DRC8: variants seen among roughly 807,000 people sequenced by gnomAD.
DRC8 encodes dynein regulatory complex protein 8.
chr1:245,016,857 T>C, the DRC8 span, among the ~76,000 whole-genome samples: 1 of 152,192 alleles, frequency 6.6e-6, no homozygotes, highest in African/African-American at 2.4e-5. Flanking sequence ...GTATCTGTTT[T>C]TATTGGTTTC....
chr1:245,025,491 C>G, the DRC8 span, among the ~76,000 whole-genome samples: 1 of 152,044 alleles, frequency 6.6e-6, no homozygotes, highest in Non-Finnish European at 1.5e-5. Flanking sequence ...TTTTAACACT[C>G]CATTCTAATC....
the DRC8 span, among the ~76,000 whole-genome samples, chr1:245,026,385 T>C: frequency 6.6e-6 from 1 of 152,252 alleles, no homozygotes; most frequent in African/African-American, 2.4e-5. Context: ...ATATTACTTT[T>C]ACTTCTTCAC....
the DRC8 span, among the ~76,000 whole-genome samples, chr1:245,056,355 G>T: frequency 5.9e-5 from 9 of 152,120 alleles, no homozygotes. Flanking sequence ...GAGAGCAGTG[G>T]TGCCATCTCA....
chr1:245,039,071 T>C, the DRC8 span, among the ~76,000 whole-genome samples: 2 of 138,838 alleles, frequency 1.4e-5, no homozygotes, highest in Non-Finnish European at 3.1e-5. Context: ...ATTTTGAAAT[T>C]TAATCTTTTC....
chr1:244,997,284 C>T, the DRC8 span, among the ~76,000 whole-genome samples: 3 of 145,466 alleles, frequency 2.1e-5, no homozygotes, highest in African/African-American at 2.5e-5. Context: ...CTTACTCTAA[C>T]GTGAATAAAC....
At chr1:244,970,722 C>G in the DRC8 span, 1 of 471,910 alleles carries the variant, frequency 2.1e-6, no homozygotes, top group Admixed American at 4.9e-5. Flanking sequence ...CCCCTCCTCC[C>G]GCCTTCTTCT....
the DRC8 span, among the ~76,000 whole-genome samples, chr1:245,006,057 ATAGG>A: frequency 6.6e-6 from 1 of 152,182 alleles, no homozygotes; most frequent in Non-Finnish European, 1.5e-5. Context: ...CATTTTTGAG[ATAGG>A]TAGGAGCCTA....
At chr1:245,109,434 C>T in the DRC8 span, among the ~76,000 whole-genome samples, 1 of 152,190 alleles carries the variant, frequency 6.6e-6, no homozygotes, top group African/African-American at 2.4e-5. Context: ...CTGGCCTCCT[C>T]CCCTGCACTG....
the DRC8 span, among the ~76,000 whole-genome samples, chr1:245,104,761 A>C: frequency 1.4e-4 from 22 of 152,188 alleles, no homozygotes; most frequent in African/African-American, 5.3e-4. Flanking sequence ...CCACACAACC[A>C]TTAAACCACG....
chr1:244,987,442 T>C, the DRC8 span, among the ~76,000 whole-genome samples: 17 of 152,072 alleles, frequency 1.1e-4, no homozygotes, highest in Non-Finnish European at 2.2e-4. Flanking sequence ...TGACCTCAAG[T>C]GATCCGCCCA....
chr1:244,997,734 G>A, the DRC8 span, among the ~76,000 whole-genome samples: 2 of 151,886 alleles, frequency 1.3e-5, no homozygotes, highest in Non-Finnish European at 2.9e-5. Flanking sequence ...TAGTAGAAAC[G>A]AGGTTTCACC....
chr1:244,979,230 G>C, the DRC8 span, among the ~76,000 whole-genome samples: 2 of 148,864 alleles, frequency 1.3e-5, no homozygotes, highest in Non-Finnish European at 3.0e-5. Context: ...ATGGCATATA[G>C]CTCAGTATTT....
chr1:245,035,068 T>TC, the DRC8 span, among the ~76,000 whole-genome samples: 1 of 152,104 alleles, frequency 6.6e-6, no homozygotes, highest in Non-Finnish European at 1.5e-5. Flanking sequence ...AAATACAATT[T>TC]GCCAGAACCA....
chr1:245,077,464 A>G, the DRC8 span, among the ~76,000 whole-genome samples: 1 of 152,232 alleles, frequency 6.6e-6, no homozygotes, highest in African/African-American at 2.4e-5. Context: ...CACAAATGAA[A>G]TTACAAATTA....
At chr1:245,105,639 C>A in the DRC8 span, among the ~76,000 whole-genome samples, 4,763 of 130,418 alleles carry the variant, frequency 0.037, 224 homozygotes, top group Admixed American at 0.14. Flanking sequence ...AAAAAAAAAA[C>A]AAAAAACAAA....
chr1:245,061,860 C>T, the DRC8 span, among the ~76,000 whole-genome samples: 1 of 152,214 alleles, frequency 6.6e-6, no homozygotes, highest in Non-Finnish European at 1.5e-5. Context: ...AATCCCAGCA[C>T]TTGGGGAGGC....
chr1:245,105,544 G>A, the DRC8 span, among the ~76,000 whole-genome samples: 49 of 146,088 alleles, frequency 3.4e-4, no homozygotes, highest in African/African-American at 1.2e-3. Context: ...TATAACCTGA[G>A]CCCAGGACAT....
chr1:245,001,782 C>T, the DRC8 span, among the ~76,000 whole-genome samples: 4 of 152,146 alleles, frequency 2.6e-5, no homozygotes, highest in African/African-American at 7.2e-5. Context: ...TGACTGAGTT[C>T]GTCCTTTTTC....
At chr1:245,095,214 G>C in the DRC8 span, among the ~76,000 whole-genome samples, 1 of 152,224 alleles carries the variant, frequency 6.6e-6, no homozygotes, top group Non-Finnish European at 1.5e-5. Context: ...AGCCCACTGA[G>C]CTGAGCTCCG....
Sources: gnomAD v4.1 joint callset for allele counts (sites outside exome capture counted in the v4.1 genomes callset) on GRCh38, gnomAD v4.1.1 for gene constraint, MANE v1.5 for transcripts, NCBI Gene and HGNC (gene_info 2026-07-23, HGNC 2026-07-21) for gene names.